The following COL5A1 variants were observed in gnomAD, a reference collection of about 807,000 sequenced individuals.
COL5A1 encodes collagen type V alpha 1 chain.
Under a neutral mutation model 263.7 loss-of-function variants are expected in COL5A1, and 16 were observed. That is an observed-to-expected ratio of 0.06 (90% CI 0.04 to 0.09). COL5A1 has a LOEUF of 0.09. COL5A1 is among the 10% of genes least tolerant of loss of function. The pLI is 1.00. For synonymous variants in COL5A1, 1,012 were observed against 1,004.5 expected, an observed-to-expected ratio of 1.01 and a Z score of -0.14; for missense variants, 2,036 against 2,540.5, an observed-to-expected ratio of 0.80 and a Z score of 4.27.
chr9:134,749,565 G>A (rs3128615), intron 11 of COL5A1, among the ~76,000 whole-genome samples: 99,819 of 152,118 alleles, frequency 0.66, 34,602 homozygotes, highest in African/African-American at 0.89. Context: ...CTGTCTGGGA[G>A]TTGGGAATCC....
chr9:134,772,959 T>A, intron 26 of COL5A1, 125 bp downstream of exon 26: 1 of 1,000,834 alleles, frequency 1.0e-6, no homozygotes, highest in Non-Finnish European at 1.6e-6. Context: ...ACTCAGCCCT[T>A]CCTCAGGTGT....
intron 27 of COL5A1, among the ~76,000 whole-genome samples, chr9:134,777,664 A>G (rs1837102136): frequency 6.6e-6 from 1 of 152,124 alleles, no homozygotes; most frequent in Non-Finnish European, 1.5e-5. Flanking sequence ...GGGTCTCAGG[A>G]GGCTGCGGTC....
Position 134,806,291 on chromosome 9 carries a change from G to A in COL5A1, c.3361G>A (p.Ala1121Thr). The change falls in exon 42 of 66, where the codon GCT (alanine) becomes ACT (threonine). Residue 1121 changes from alanine to threonine, a missense_variant. By Grantham distance (58) the Ala-to-Thr change is moderately conservative. Transcript: ENST00000371817. ...GPPGPAGEKGAPGEKGPQGPA... is the reference protein window; with the variant it reads ...GPPGPAGEKGTPGEKGPQGPA... The stretch of plus-strand genomic sequence containing the variant: ...CCCAGGGCCGGCAGGAGAGAAAGGG[G>A]CTCCTGTAAGTACTGCCTTGGATTG... 1.9e-6 allele frequency: 3 copies of A among 1,546,126 alleles called. No homozygotes were observed. The highest frequency in any genetic ancestry group is 2.6e-6 in the Non-Finnish European group (3 of 1,144,348).
intron 13 of COL5A1, among the ~76,000 whole-genome samples, chr9:134,751,248 G>A (rs1161154514): frequency 2.6e-5 from 4 of 152,000 alleles, no homozygotes; most frequent in African/African-American, 4.8e-5. Flanking sequence ...TAGGGACCCC[G>A]AGATCATGGG....
Position 134,700,001 on chromosome 9 carries a change from G to C in COL5A1, c.370G>C (p.Gly124Arg). 1 of 1,613,776 alleles carries C rather than the reference G, an allele frequency of 6.2e-7. No individual in the cohort carries two copies. Among genetic ancestry groups the C allele is most frequent in the East Asian group, 2.2e-5 (1 of 44,878 alleles). ...CCTGGTCTCCATCTACAACGAGCAGGGTATCCAGCAGATTGGGCTGGAGCT... is the reference window on the plus strand; with the variant it reads ...CCTGGTCTCCATCTACAACGAGCAGCGTATCCAGCAGATTGGGCTGGAGCT... ...AFLVSIYNEQ[G>R]IQQIGLELGR... Residue 124 changes from glycine to arginine, a missense_variant, in exon 3 of 66, where the codon GGT becomes CGT. Physicochemically the swap from Gly to Arg is moderately radical, Grantham distance 125. Around this residue, in one of 3 missense-constraint regions of COL5A1, gnomAD observed 600 missense variants for 634.5 expected, o/e 0.95. Coordinates refer to ENST00000371817, the MANE Select transcript of COL5A1 (RefSeq NM_000093.5). This position sits in a 1 kb window ranked among gnomAD's most constrained non-coding sequence, Gnocchi z 4.0.
intron 1 of COL5A1, among the ~76,000 whole-genome samples, chr9:134,671,147 C>A (rs1223303076): frequency 6.6e-6 from 1 of 152,212 alleles, no homozygotes; most frequent in Admixed American, 6.5e-5. Flanking sequence ...CACACTTGTG[C>A]TTCACCCACT....
chr9:134,646,839 G>T (rs1022059648), intron 1 of COL5A1, among the ~76,000 whole-genome samples: 1 of 152,184 alleles, frequency 6.6e-6, no homozygotes, highest in African/African-American at 2.4e-5. Context: ...GGCCAGCAAG[G>T]TCGGTGTGAG....
At chr9:134,693,595 T>C (rs906108828) in intron 2 of COL5A1, among the ~76,000 whole-genome samples, 13 of 151,592 alleles carry the variant, frequency 8.6e-5, no homozygotes, top group Admixed American at 2.0e-4. Context: ...AAGTGTTGGG[T>C]TGGGACCTGC....
chr9:134,752,657 G>A lies in COL5A1; in HGVS notation c.1719+12G>A. On this transcript the variant is annotated intron_variant, in intron 14 of 65. Coordinates refer to ENST00000371817, the MANE Select transcript of COL5A1 (RefSeq NM_000093.5). ...GACCTGGCCCTGTGGTAAGTCATTG[G>A]CAAATCTGAGAGCTGGGCGTGGTGT... 6 of 1,607,052 alleles carry A rather than the reference G, an allele frequency of 3.7e-6. No individual in the cohort carries two copies. Among genetic ancestry groups the A allele is most frequent in the Non-Finnish European group, 5.1e-6 (6 of 1,173,876 alleles).
chr9:134,695,508 G>C lies in COL5A1; in HGVS notation c.278-4401G>C, dbSNP rs147344248. The stretch of plus-strand genomic sequence containing the variant: ...CAGCTGCAGGGGCAGGCTGACGTGA[G>C]GGGAAGATGGAGGCAGCGGTGGGAG... On this transcript the variant is annotated intron_variant, in intron 2 of 65. Transcript: ENST00000371817. 4.8e-3 allele frequency among the ~76,000 whole-genome samples: 738 copies of C among 152,362 alleles called. 8 individuals carry two copies. The highest frequency in any genetic ancestry group is 0.016 in the African/African-American group (675 of 41,588).
At chr9:134,801,798 A>AAT (rs1838124304) in intron 37 of COL5A1, among the ~76,000 whole-genome samples, 156 bp from the exon 38 acceptor site, 1 of 150,278 alleles carries the variant, frequency 6.7e-6, no homozygotes, top group Non-Finnish European at 1.5e-5. Context: ...GAAAAAAAAA[A>AAT]AAATGAAACA....
chr9:134,815,256 T>G (rs1223769881), intron 50 of COL5A1, among the ~76,000 whole-genome samples: 2 of 152,212 alleles, frequency 1.3e-5, no homozygotes, highest in African/African-American at 4.8e-5. Context: ...TCCGGAAGTC[T>G]GAAGGTCCAG....
chr9:134,738,414 G>A, intron 9 of COL5A1, 60 bp from the exon 10 acceptor site: 1 of 1,593,850 alleles, frequency 6.3e-7, no homozygotes. Context: ...ACACCACTGG[G>A]GTCTGGGGTG....
chr9:134,773,364 A>G (rs896666465), intron 26 of COL5A1, among the ~76,000 whole-genome samples: 2 of 152,002 alleles, frequency 1.3e-5, no homozygotes, highest in African/African-American at 2.4e-5. Flanking sequence ...ACTGCGATTC[A>G]TGACAAAGCT....
intron 63 of COL5A1, among the ~76,000 whole-genome samples, chr9:134,827,301 C>T (rs1269675070): frequency 6.6e-6 from 1 of 152,236 alleles, no homozygotes; most frequent in Non-Finnish European, 1.5e-5. Context: ...TAGGAGCCCA[C>T]TGGCTGCAGT....
At position 134,752,609 on chromosome 9, in the gene COL5A1, T is replaced by A; in HGVS notation, c.1683T>A (p.Ala561=). 1.2e-6 allele frequency: 2 copies of A among 1,613,690 alleles called. No homozygotes were observed. Among genetic ancestry groups the A allele is most frequent in the Non-Finnish European group, 1.7e-6 (2 of 1,179,770 alleles). ...QQARLALRGP[A]GPMGLTGRPG... ...TGCAGTTGGCACTGAGGGGACCAGCTGGCCCGATGGGTCTCACAGGGAGAC... is the reference window on the plus strand; with the variant it reads ...TGCAGTTGGCACTGAGGGGACCAGCAGGCCCGATGGGTCTCACAGGGAGAC... Residue 561 remains alanine, a synonymous_variant, in exon 14 of 66, where the codon GCT becomes GCA. Transcript: ENST00000371817.
chr9:134,699,792 CCACGA>C, intron 2 of COL5A1, 112 bp from the exon 3 acceptor site: 1 of 973,984 alleles, frequency 1.0e-6, no homozygotes, highest in Admixed American at 1.8e-5. Context: ...TGGCAGTGCC[CCACGA>C]CGGGCAGCAC....
At chr9:134,747,778 T>C (rs1364774036) in intron 11 of COL5A1, among the ~76,000 whole-genome samples, 2 of 137,386 alleles carry the variant, frequency 1.5e-5, no homozygotes, top group Non-Finnish European at 1.6e-5. Context: ...TGCAGACACA[T>C]GCACACATGC....
rs564062403 is a variant in COL5A1, at chr9:134,744,883, C to A, written c.1495-5659C>A. ...CATTTACACACATGCACTCACACACCTGCACACACACTCATGCACATATGC... is the reference window on the plus strand; with the variant it reads ...CATTTACACACATGCACTCACACACATGCACACACACTCATGCACATATGC... On this transcript the variant is annotated intron_variant, in intron 11 of 65. Coordinates refer to ENST00000371817, the MANE Select transcript of COL5A1 (RefSeq NM_000093.5). 2.0e-4 allele frequency among the ~76,000 whole-genome samples: 30 copies of A among 152,032 alleles called. No individual in the cohort carries two copies. In the South Asian group the frequency reaches 2.7e-3, roughly 14 times the overall value.
Sources: allele counts gnomAD v4.1 joint callset (sites outside exome capture counted in the v4.1 genomes callset), GRCh38; gene constraint gnomAD v4.1.1; regional missense constraint gnomAD v4.1.1; non-coding constraint Gnocchi (gnomAD v3.1); transcripts MANE v1.5; gene names NCBI Gene and HGNC (gene_info 2026-07-23, HGNC 2026-07-21).